Variants in TPX2 observed in about 807,000 individuals in gnomAD.
TPX2 encodes TPX2 microtubule nucleation factor.
Under a neutral mutation model 93.6 loss-of-function variants are expected in TPX2, and 21 were observed. The observed-to-expected ratio is 0.22, with a 90% CI of 0.16 to 0.32. The LOEUF (loss-of-function observed/expected upper bound fraction) is 0.32. Ranked by LOEUF, TPX2 falls within the 10% of genes least tolerant of loss-of-function variation. The pLI is 1.00. For missense variants in TPX2, 776 were observed against 871.1 expected, an observed-to-expected ratio of 0.89 and a Z score of 1.37; for synonymous variants, 281 against 298.3, an observed-to-expected ratio of 0.94 and a Z score of 0.60.
At chr20:31,797,613 A>G in intron 16 of TPX2, 98 bp downstream of exon 16, 1 of 1,119,132 alleles carries the variant, frequency 8.9e-7, no homozygotes, top group Non-Finnish European at 1.3e-6. Flanking sequence ...TGTGTCAACT[A>G]GAAGCATTTG....
chr20:31,773,691 A>G (rs2061978407), intron 7 of TPX2, among the ~76,000 whole-genome samples: 1 of 152,170 alleles, frequency 6.6e-6, no homozygotes, highest in African/African-American at 2.4e-5. Flanking sequence ...ATTCATATAG[A>G]TGGCATGAAA....
intron 2 of TPX2, among the ~76,000 whole-genome samples, chr20:31,751,485 C>T (rs1443872666): frequency 1.3e-5 from 2 of 152,120 alleles, no homozygotes; most frequent in Non-Finnish European, 2.9e-5. Context: ...TGGAATCTTT[C>T]ACTAAAAATC....
At chr20:31,791,158 G>A (rs952905625) in intron 12 of TPX2, among the ~76,000 whole-genome samples, 3 of 152,144 alleles carry the variant, frequency 2.0e-5, no homozygotes, top group Non-Finnish European at 4.4e-5. Flanking sequence ...GAGGGTACCA[G>A]ATTAATGCTA....
At chr20:31,787,085 TTTTATTGAGTGC>T (rs1196999366) in intron 12 of TPX2, among the ~76,000 whole-genome samples, 2 of 151,824 alleles carry the variant, frequency 1.3e-5, no homozygotes. Flanking sequence ...GTAATTGTCA[TTTTATTGAGTGC>T]TTACATTGTC....
At chr20:31,768,243 C>CTT (rs1325581709) in intron 5 of TPX2, among the ~76,000 whole-genome samples, 10 of 120,898 alleles carry the variant, frequency 8.3e-5, no homozygotes, top group African/African-American at 2.8e-4. Context: ...ACATGCCATC[C>CTT]TTTTTTTTTT....
chr20:31,801,253 T>C lies in TPX2; in HGVS notation c.*173T>C, dbSNP rs2062170346. 1.7e-6 allele frequency: 1 copy of C among 580,282 alleles called. No individual in the cohort carries two copies. The allele number at this position is 580,282 out of a possible 1,614,324, so 35.9% of individuals were successfully genotyped here. On this transcript the variant is annotated 3_prime_UTR_variant, in exon 18 of 18. Transcript: ENST00000300403. ...CTGTGGACTCCAGTTTTGTTGAGAA[T>C]TGTTTTCTTACATTACTAAGGCTAA...
chr20:31,775,062 C>T (rs1414918276), intron 7 of TPX2, among the ~76,000 whole-genome samples: 2 of 151,954 alleles, frequency 1.3e-5, no homozygotes, highest in African/African-American at 2.4e-5. Context: ...CGGGTTCTAG[C>T]GATTCTCCTG....
rs764276147 is a variant in TPX2, at chr20:31,770,417, G to T, written c.431G>T (p.Arg144Ile). Residue 144 changes from arginine (R) to isoleucine (I), a missense_variant, in exon 6 of 18, where the codon AGA becomes ATA. By Grantham distance (97) the Arg-to-Ile change is moderately conservative (BLOSUM62 -3). Transcript: ENST00000300403. ...EKHHVKMKAKRCATPVIIDEI... is the reference protein window; with the variant it reads ...EKHHVKMKAKICATPVIIDEI... ...CATCATGTAAAAATGAAAGCCAAGA[G>T]ATGTGCCACTCCTGTAATCATCGAT... 3 of 1,606,494 alleles carry T rather than the reference G, an allele frequency of 1.9e-6. No homozygotes were observed. Among genetic ancestry groups the T allele is most frequent in the South Asian group, 2.2e-5 (2 of 89,706 alleles).
At chr20:31,750,187 C>T (rs1427539121) in intron 2 of TPX2, among the ~76,000 whole-genome samples, 10 of 150,072 alleles carry the variant, frequency 6.7e-5, no homozygotes, top group African/African-American at 1.7e-4. Flanking sequence ...GACGGAGTTT[C>T]GCTCTTGTTG....
intron 4 of TPX2, among the ~76,000 whole-genome samples, chr20:31,761,588 C>CT (rs1251303899): frequency 1.3e-5 from 2 of 152,154 alleles, no homozygotes; most frequent in African/African-American, 2.4e-5. Context: ...GAATTTCATT[C>CT]TTTTTTATGG....
At chr20:31,788,728 T>C (rs1005741300) in intron 12 of TPX2, among the ~76,000 whole-genome samples, 16 of 152,120 alleles carry the variant, frequency 1.1e-4, no homozygotes, top group African/African-American at 3.9e-4. Context: ...TGACAAAGCC[T>C]TGAGCACGAG....
chr20:31,752,622 CT>C (rs947426024), intron 2 of TPX2, among the ~76,000 whole-genome samples: 18 of 150,660 alleles, frequency 1.2e-4, no homozygotes, highest in Non-Finnish European at 2.5e-4. Context: ...ACTTTTTTTT[CT>C]TTTTTTTTGA....
At chr20:31,788,087 G>C (rs993015375) in intron 12 of TPX2, among the ~76,000 whole-genome samples, 1 of 152,090 alleles carries the variant, frequency 6.6e-6, no homozygotes, top group Admixed American at 6.6e-5. Flanking sequence ...GGGGATTATA[G>C]CTTGCCTATG....
intron 5 of TPX2, among the ~76,000 whole-genome samples, chr20:31,767,438 A>G (rs1260967046): frequency 6.6e-6 from 1 of 151,936 alleles, no homozygotes; most frequent in Non-Finnish European, 1.5e-5. Context: ...GTGCAGTGGC[A>G]CATAGTTCAC....
chr20:31,772,139 G>A (rs2061968140), intron 7 of TPX2, among the ~76,000 whole-genome samples: 1 of 150,902 alleles, frequency 6.6e-6, no homozygotes, highest in Non-Finnish European at 1.5e-5. Context: ...TCCTGCCTCA[G>A]CCTCCCGAGT....
chr20:31,798,357 G>A lies in TPX2; in HGVS notation c.1946-8G>A. On this transcript the variant is annotated splice_region_variant and splice_polypyrimidine_tract_variant and intron_variant, in intron 16 of 17. Coordinates refer to ENST00000300403, the MANE Select transcript of TPX2 (RefSeq NM_012112.5). The stretch of plus-strand genomic sequence containing the variant: ...GTGCACCAATATTTTTTCTGTTTCT[G>A]TACTTAGAGGGCCTTTCTGGTTCTC... The A allele has an allele frequency of 6.2e-7, 1 of 1,613,950 alleles. No individual in the cohort carries two copies. The highest frequency in any genetic ancestry group is 1.1e-5 in the South Asian group (1 of 91,048).
At position 31,783,692 on chromosome 20, in the gene TPX2, T is replaced by A. The variant is rs41293102; in HGVS notation, c.1197-13T>A. 6.3e-7 allele frequency: 1 copy of A among 1,580,404 alleles called. No individual in the cohort carries two copies. The highest frequency in any genetic ancestry group is 1.4e-5 in the African/African-American group (1 of 72,554). ...AAATTTTTTTTGTGGTTATTTAAAT[T>A]TTCACCTTACAGATACAAATTCAAA... On this transcript the variant is annotated splice_polypyrimidine_tract_variant and intron_variant, in intron 11 of 17. Coordinates refer to ENST00000300403, the MANE Select transcript of TPX2 (RefSeq NM_012112.5).
Position 31,782,246 on chromosome 20 carries a change from C to T in TPX2, c.1055-3C>T, listed in dbSNP as rs201478800. ...GATGAACATCTGTCATCTCTGTTTA[C>T]AGACCTGTTACCCTCCAAATCTTCT... On this transcript the variant is annotated splice_region_variant and splice_polypyrimidine_tract_variant and intron_variant, in intron 10 of 17. Coordinates refer to ENST00000300403, the MANE Select transcript of TPX2 (RefSeq NM_012112.5). 3 of 1,606,076 alleles carry T rather than the reference C, an allele frequency of 1.9e-6. No individual in the cohort carries two copies. Among genetic ancestry groups the T allele is most frequent in the South Asian group, 1.1e-5 (1 of 89,704 alleles).
rs772037607 is a variant in TPX2, at chr20:31,766,575, A to C, written c.249A>C (p.Lys83Asn). Residue 83 changes from lysine (K) to asparagine (N), a missense_variant, in exon 5 of 18, where the codon AAA becomes AAC. Lys to Asn is a moderately conservative substitution (Grantham distance 94, BLOSUM62 0). This residue lies in a region of TPX2 where 279 missense variants were observed against 261.6 expected (regional missense o/e 1.07). Coordinates refer to ENST00000300403, the MANE Select transcript of TPX2 (RefSeq NM_012112.5). ...CCGCAGTTGACAACACTTACTACAA[A>C]GAGGCAGAAAAAGAAAATCTTGTGG... The part of the protein sequence containing the change: ...PLKPVDNTYY[K>N]EAEKENLVEQ... The C allele has an allele frequency of 6.2e-7, 1 of 1,613,540 alleles. No individual in the cohort carries two copies. Among genetic ancestry groups the C allele is most frequent in the Admixed American group, 1.7e-5 (1 of 59,852 alleles).
Sources: gnomAD v4.1 joint callset for allele counts (sites outside exome capture counted in the v4.1 genomes callset) on GRCh38, gnomAD v4.1.1 for gene constraint, gnomAD v4.1.1 regional missense constraint, MANE v1.5 for transcripts, NCBI Gene and HGNC (gene_info 2026-07-23, HGNC 2026-07-21) for gene names.